The following CFH variants were observed in gnomAD, a reference collection of about 807,000 sequenced individuals.
The protein encoded by CFH is complement factor H.
Under a neutral mutation model 147.3 loss-of-function variants are expected in CFH, and 53 were observed. The observed-to-expected ratio is 0.36, with a 90% CI of 0.29 to 0.45. CFH has a LOEUF of 0.45. CFH is among the 20% of genes least tolerant of loss of function. The probability of loss-of-function intolerance (pLI) is 1.00; values close to 1 mark genes in which losing one functional copy is unlikely to be tolerated. For synonymous variants in CFH, 536 were observed against 489.4 expected (o/e 1.10, Z -1.26); for missense variants, 1,380 against 1,498.0 (o/e 0.92, Z 1.30).
chr1:196,698,430 A>G (rs1380939282), intron 9 of CFH, among the ~76,000 whole-genome samples: 1 of 152,214 alleles, frequency 6.6e-6, no homozygotes, highest in African/African-American at 2.4e-5. Context: ...ACCATCAGAG[A>G]ATACTATAAA....
chr1:196,711,034 G>A (rs910665023), intron 9 of CFH, among the ~76,000 whole-genome samples: 2 of 151,888 alleles, frequency 1.3e-5, no homozygotes, highest in African/African-American at 4.8e-5. Context: ...AAACCATAAT[G>A]ATGTCATTTC....
intron 9 of CFH, among the ~76,000 whole-genome samples, chr1:196,692,589 C>G (rs1016772132): frequency 1.1e-4 from 7 of 63,256 alleles, no homozygotes; most frequent in Admixed American, 2.2e-4. Flanking sequence ...TTCTTTCTTT[C>G]CTTCTCTTCC....
chr1:196,746,074 A>G (rs374268257), intron 21 of CFH, 75 bp downstream of exon 21: 1 of 1,607,360 alleles, frequency 6.2e-7, no homozygotes, highest in African/African-American at 1.3e-5. Context: ...GTAACAAAAT[A>G]CTCACAGATT....
intron 9 of CFH, chr1:196,701,402 T>C (rs1015934778): frequency 6.2e-7 from 1 of 1,611,936 alleles, no homozygotes; most frequent in African/African-American, 1.3e-5. Context: ...GGAACCAAGT[T>C]TGAGTCTTGC....
In CFH at chr1:196,719,913, T is replaced by C. The variant is rs181617498; in HGVS notation, c.1696+4144T>C. On this transcript the variant is annotated intron_variant, in intron 11 of 21. Coordinates refer to ENST00000367429, the MANE Select transcript of CFH (RefSeq NM_000186.4). ...TTCTTTATTTGTAATATATTAATTATGTGTTTTTTATATTTTTTTTAACTT... is the reference window on the plus strand; with the variant it reads ...TTCTTTATTTGTAATATATTAATTACGTGTTTTTTATATTTTTTTTAACTT... 3.9e-3 allele frequency among the ~76,000 whole-genome samples: 599 copies of C among 151,822 alleles called. 2 individuals are homozygous for C. The highest frequency in any genetic ancestry group is 0.014 in the African/African-American group (581 of 41,540).
At chr1:196,746,085 A>G (rs369912150) in intron 21 of CFH, 86 bp downstream of exon 21, 3 of 1,601,838 alleles carry the variant, frequency 1.9e-6, no homozygotes, top group Non-Finnish European at 2.6e-6. Context: ...CTCACAGATT[A>G]TTGAACAACC....
chr1:196,693,968 G>GTGTGTGTT (rs1433831592), intron 9 of CFH, among the ~76,000 whole-genome samples: 1 of 150,830 alleles, frequency 6.6e-6, no homozygotes, highest in Non-Finnish European at 1.5e-5. Context: ...GTGTGTGTGT[G>GTGTGTGTT]TGTGTGTGTG....
intron 1 of CFH, among the ~76,000 whole-genome samples, chr1:196,667,775 T>A (rs1198525866): frequency 1.3e-5 from 2 of 152,156 alleles, no homozygotes; most frequent in African/African-American, 4.8e-5. Flanking sequence ...TTCTCTTATT[T>A]TAATCAAATA....
intron 7 of CFH, among the ~76,000 whole-genome samples, chr1:196,688,844 C>A (rs1023011690): frequency 5.3e-5 from 8 of 152,078 alleles, no homozygotes; most frequent in African/African-American, 1.9e-4. Flanking sequence ...GAACTCCTTA[C>A]GAGTGATCTG....
At chr1:196,705,789 C>T (rs1426092279) in intron 9 of CFH, among the ~76,000 whole-genome samples, 1 of 152,148 alleles carries the variant, frequency 6.6e-6, no homozygotes, top group Non-Finnish European at 1.5e-5. Context: ...ACACCCCATA[C>T]TGTGTATGCT....
chr1:196,656,173 G>A (rs369749355), intron 1 of CFH, among the ~76,000 whole-genome samples: 38 of 151,898 alleles, frequency 2.5e-4, no homozygotes, highest in East Asian at 5.8e-4. Context: ...GCGTGGTGGC[G>A]CGTGCCTGTA....
intron 1 of CFH, among the ~76,000 whole-genome samples, chr1:196,671,274 G>T (rs1270282814): frequency 6.6e-6 from 1 of 151,984 alleles, no homozygotes; most frequent in African/African-American, 2.4e-5. Flanking sequence ...CTGAATCTGA[G>T]TGTCTAGTTC....
Position 196,726,864 on chromosome 1 carries a change from A to T in CFH, c.2160A>T (p.Ser720=). The change falls in exon 14 of 22, where the codon TCA becomes TCT. Residue 720 remains serine (S), a synonymous_variant. Coordinates refer to ENST00000367429, the MANE Select transcript of CFH (RefSeq NM_000186.4). ...GAGATTCAGTGGAATTCAATTGCTC[A>T]GAATCATTTACAATGATTGGACACA... is the stretch of plus-strand genomic sequence containing the variant. The part of the protein sequence containing the change: ...YYGDSVEFNC[S]ESFTMIGHRS... The T allele has an allele frequency of 6.2e-7, 1 of 1,613,662 alleles. No individual in the cohort carries two copies. The highest frequency in any genetic ancestry group is 8.5e-7 in the Non-Finnish European group (1 of 1,179,644).
At chr1:196,741,070 A>G (rs1652792698) in intron 18 of CFH, 1 of 419,890 alleles carries the variant, frequency 2.4e-6, no homozygotes, top group Non-Finnish European at 4.4e-6. Flanking sequence ...GCCTCTACTC[A>G]TCAATCTCCA....
At chr1:196,745,189 AATATAAGTTTATACCTT>A in intron 20 of CFH, among the ~76,000 whole-genome samples, 1 of 152,214 alleles carries the variant, frequency 6.6e-6, no homozygotes, top group African/African-American at 2.4e-5. Flanking sequence ...CAGCTTCTTA[AATATAAGTTTATACCTT>A]ATGGTCAAAA....
chr1:196,680,942 G>T (rs990984871), intron 6 of CFH, among the ~76,000 whole-genome samples: 1 of 151,822 alleles, frequency 6.6e-6, no homozygotes, highest in Non-Finnish European at 1.5e-5. Flanking sequence ...ATTTTAGAAA[G>T]AAATTAATGA....
chr1:196,709,751 T>C (rs1274375245), intron 9 of CFH, among the ~76,000 whole-genome samples: 3 of 152,064 alleles, frequency 2.0e-5, no homozygotes, highest in African/African-American at 7.2e-5. Context: ...CATTGTGAGA[T>C]GATAATCTTT....
intron 1 of CFH, among the ~76,000 whole-genome samples, chr1:196,652,410 A>G (rs1340510406): frequency 6.6e-6 from 1 of 151,908 alleles, no homozygotes; most frequent in South Asian, 2.1e-4. Flanking sequence ...AAATGTTTTA[A>G]TAAACATTTC....
chr1:196,689,742 A>T, intron 8 of CFH, 128 bp downstream of exon 8: 1 of 1,018,342 alleles, frequency 9.8e-7, no homozygotes, highest in Non-Finnish European at 1.5e-6. Flanking sequence ...TGTTCAAGCA[A>T]AGTGACCAAA....
Sources: gnomAD v4.1 joint callset for allele counts (sites outside exome capture counted in the v4.1 genomes callset) on GRCh38, gnomAD v4.1.1 for gene constraint, MANE v1.5 for transcripts, NCBI Gene and HGNC (gene_info 2026-07-23, HGNC 2026-07-21) for gene names.